PNLIPRP3: variants seen among roughly 807,000 people sequenced by gnomAD.
PNLIPRP3 encodes the protein pancreatic lipase-related protein 3.
In PNLIPRP3, 58 loss-of-function variants were observed where a neutral mutation model predicts 52.8. That is an observed-to-expected ratio of 1.10 (90% confidence interval 0.89 to 1.37). PNLIPRP3 has a LOEUF of 1.37. PNLIPRP3 is among the 40% of genes most tolerant of loss of function. The pLI is 0.00. For missense variants in PNLIPRP3, 593 were observed against 561.6 expected, an observed-to-expected ratio of 1.06 and a Z score of -0.57; for synonymous variants, 192 against 185.0, an observed-to-expected ratio of 1.04 and a Z score of -0.31.
At chr10:116,449,570 A>G (rs1262074731) in intron 4 of PNLIPRP3, among the ~76,000 whole-genome samples, 3 of 152,232 alleles carry the variant, frequency 2.0e-5, no homozygotes, top group Non-Finnish European at 2.9e-5. Context: ...ACCCAACACC[A>G]GAGTACCTAA....
In PNLIPRP3 at chr10:116,469,317, C is replaced by G. The variant is rs573172704; in HGVS notation, c.1060C>G (p.Arg354Gly). ...LNTGSLSPFA[R>G]WRHKLSVKLS... ...CACAGGGTCCCTTTCCCCATTTGCC[C>G]GTAAGTATCATAGCTAAGTTTAATT... is the stretch of plus-strand genomic sequence containing the variant. Residue 354 changes from arginine to glycine, a missense_variant and splice_region_variant, in exon 9 of 12, where the codon CGT becomes GGT. Coordinates refer to ENST00000369230, the MANE Select transcript of PNLIPRP3 (RefSeq NM_001011709.3). 3.1e-6 allele frequency: 5 copies of G among 1,598,112 alleles called. No individual in the cohort carries two copies. The highest frequency in any genetic ancestry group is 4.3e-6 in the Non-Finnish European group (5 of 1,173,892).
intron 7 of PNLIPRP3, among the ~76,000 whole-genome samples, chr10:116,462,467 T>C (rs1053667652): frequency 6.6e-6 from 1 of 151,982 alleles, no homozygotes; most frequent in Non-Finnish European, 1.5e-5. Flanking sequence ...ACAGAGATCA[T>C]AGTATTGAGT....
chr10:116,447,557 G>C (rs10885936), intron 4 of PNLIPRP3, among the ~76,000 whole-genome samples: 2 of 152,066 alleles, frequency 1.3e-5, no homozygotes, highest in African/African-American at 4.8e-5. Flanking sequence ...TCAGGAGAAT[G>C]AATATTGCAT....
chr10:116,434,980 G>GAGTA lies in PNLIPRP3; in HGVS notation c.50-1729_50-1726dup, dbSNP rs1203883487. Among the ~76,000 whole-genome samples the GAGTA allele has an allele frequency of 2.0e-5, 3 of 152,150 alleles. No homozygotes were observed. The East Asian group carries it at 5.8e-4, about 29-fold the overall frequency. ...ACAAGAGAGGCATGATCCAAATATG[G>GAGTA]AGTAACCTACGATGACACTGATCCT... On this transcript the variant is annotated intron_variant, in intron 1 of 11. Transcript: ENST00000369230.
At chr10:116,443,801 G>GCA (rs1845899194) in intron 3 of PNLIPRP3, among the ~76,000 whole-genome samples, 1 of 11,158 alleles carries the variant, frequency 9.0e-5, no homozygotes, top group African/African-American at 1.9e-4. Flanking sequence ...ATGTGTGTGT[G>GCA]CATATATATA....
chr10:116,440,187 G>T (rs1027971128), intron 2 of PNLIPRP3: 14 of 557,568 alleles, frequency 2.5e-5, no homozygotes, highest in Admixed American at 2.5e-4. Context: ...TCTATTCCCT[G>T]ATCTTCACTC....
intron 10 of PNLIPRP3, among the ~76,000 whole-genome samples, chr10:116,473,948 C>CAA (rs771490177): frequency 0.061 from 6,331 of 103,088 alleles, 422 homozygotes; most frequent in East Asian, 0.35. Flanking sequence ...CATATGGAAC[C>CAA]AAAAAAAAAA....
chr10:116,433,146 A>AAAAAAAT (rs1845730843), intron 1 of PNLIPRP3, among the ~76,000 whole-genome samples: 1 of 143,490 alleles, frequency 7.0e-6, no homozygotes, highest in Non-Finnish European at 1.5e-5. Flanking sequence ...AAAAAAAAAA[A>AAAAAAAT]GTCTTGGAGT....
intron 2 of PNLIPRP3, among the ~76,000 whole-genome samples, chr10:116,439,019 T>C (rs1845819767): frequency 6.6e-6 from 1 of 152,178 alleles, no homozygotes; most frequent in African/African-American, 2.4e-5. Context: ...TTATAGGAGA[T>C]ATCTGGAGCA....
intron 5 of PNLIPRP3, among the ~76,000 whole-genome samples, chr10:116,456,189 G>A (rs11197683): frequency 6.6e-6 from 1 of 152,280 alleles, no homozygotes; most frequent in East Asian, 1.9e-4. Context: ...AGGCTGGGAA[G>A]GGAAGAAGAG....
At chr10:116,465,024 C>A (rs183237207) in intron 7 of PNLIPRP3, among the ~76,000 whole-genome samples, 1 of 152,304 alleles carries the variant, frequency 6.6e-6, no homozygotes, top group South Asian at 2.1e-4. Flanking sequence ...ACACAGACAA[C>A]TGAAGAGTGA....
intron 4 of PNLIPRP3, among the ~76,000 whole-genome samples, chr10:116,451,934 G>C (rs1054188760): frequency 3.9e-5 from 6 of 152,224 alleles, no homozygotes; most frequent in Non-Finnish European, 5.9e-5. Context: ...GCAATGTTGG[G>C]AGAGTTGTGG....
rs1846102257 is a variant in PNLIPRP3 at position 116,455,719 on chromosome 10, C to T, written c.457-3C>T. 6.2e-7 allele frequency: 1 copy of T among 1,606,398 alleles called. No homozygotes were observed. The highest frequency in any genetic ancestry group is 8.5e-7 in the Non-Finnish European group (1 of 1,173,972). ...TACTTATTCTGTTAAACAATTCTTT[C>T]AGAAAAAATTTGAATATTCCCCTTC... is the stretch of plus-strand genomic sequence containing the variant. On this transcript the variant is annotated splice_region_variant and splice_polypyrimidine_tract_variant and intron_variant, in intron 4 of 11. Transcript: ENST00000369230.
At chr10:116,453,104 G>C (rs1027100936) in intron 4 of PNLIPRP3, among the ~76,000 whole-genome samples, 1 of 152,198 alleles carries the variant, frequency 6.6e-6, no homozygotes, top group African/African-American at 2.4e-5. Flanking sequence ...AAGGCCTTGG[G>C]ATCCCACTCC....
intron 2 of PNLIPRP3, chr10:116,439,891 A>T (rs1457223124): frequency 1.2e-6 from 1 of 800,786 alleles, no homozygotes; most frequent in Non-Finnish European, 2.3e-6. Flanking sequence ...TTTCCCGGAC[A>T]TTATCTTCCA....
At chr10:116,437,189 G>T (rs1447883661) in intron 2 of PNLIPRP3, among the ~76,000 whole-genome samples, 2 of 152,108 alleles carry the variant, frequency 1.3e-5, no homozygotes. Flanking sequence ...CTATTGAATT[G>T]AATAAACAGA....
At chr10:116,440,080 T>C in intron 2 of PNLIPRP3, 1 of 696,198 alleles carries the variant, frequency 1.4e-6, no homozygotes, top group East Asian at 2.5e-5. Flanking sequence ...ATCAACTTTT[T>C]TTTAAGTGAA....
At chr10:116,439,336 T>C in intron 2 of PNLIPRP3, 1 of 423,646 alleles carries the variant, frequency 2.4e-6, no homozygotes, top group Non-Finnish European at 4.4e-6. Context: ...TACAATATGA[T>C]CATGATCAAA....
intron 1 of PNLIPRP3, among the ~76,000 whole-genome samples, chr10:116,433,547 G>C (rs1469816395): frequency 6.6e-6 from 1 of 152,128 alleles, no homozygotes; most frequent in Admixed American, 6.5e-5. Context: ...GGTACTTACA[G>C]AAACTGAAAT....
Sources: gnomAD v4.1 joint callset for allele counts (sites outside exome capture counted in the v4.1 genomes callset) on GRCh38, gnomAD v4.1.1 for gene constraint, MANE v1.5 for transcripts, NCBI Gene and HGNC (gene_info 2026-07-23, HGNC 2026-07-21) for gene names.